Variants in TGDS observed in about 807,000 individuals in gnomAD.
TGDS encodes the protein UDP-D-glucose 4,6-dehydratase.
A neutral mutation model predicts 52.3 loss-of-function variants in TGDS; 47 were observed. The observed-to-expected ratio is 0.90, with a 90% CI of 0.71 to 1.15. TGDS has a LOEUF of 1.15. Ranked by LOEUF, TGDS falls within the 50% of genes most tolerant of loss-of-function variation. The probability of loss-of-function intolerance (pLI) is 0.00; values close to 1 mark genes in which losing one functional copy is unlikely to be tolerated. For synonymous variants in TGDS, 115 were observed against 136.9 expected (o/e 0.84, Z 1.12); for missense variants, 375 against 418.4 (o/e 0.90, Z 0.90).
rs1324368755 is a variant in TGDS at position 94,593,847 on chromosome 13, T to C, written c.147A>G (p.Leu49=). The change falls in exon 2 of 12, where the codon CTA becomes CTG. Residue 49 remains leucine (L), a synonymous_variant. Transcript: ENST00000261296. ...EDYPNYMIIN[L]DKLDYCASLK... is the part of the protein sequence containing the mutation. ...TCATTTTTATAAAACTCACCTTGTC[T>C]AGATTTATGATCATATAGTTTGGAT... is the stretch of plus-strand genomic sequence containing the variant. 7 of 1,569,476 alleles carry C rather than the reference T, an allele frequency of 4.5e-6. No homozygotes were observed. Among genetic ancestry groups the C allele is most frequent in the African/African-American group, 2.7e-5 (2 of 73,320 alleles).
chr13:94,585,816 A>AT (rs1208797833), intron 4 of TGDS, among the ~76,000 whole-genome samples: 3 of 151,804 alleles, frequency 2.0e-5, no homozygotes, highest in Non-Finnish European at 4.4e-5. Flanking sequence ...AAAAAAAAAA[A>AT]AATCCAGATA....
chr13:94,578,175 A>G lies in TGDS; in HGVS notation c.660-5T>C. The G allele has an allele frequency of 1.9e-6, 3 of 1,612,998 alleles. No individual in the cohort carries two copies. The highest frequency in any genetic ancestry group is 2.5e-6 in the Non-Finnish European group (3 of 1,179,566). On this transcript the variant is annotated splice_polypyrimidine_tract_variant and splice_region_variant and intron_variant, in intron 8 of 11. Coordinates refer to ENST00000261296, the MANE Select transcript of TGDS (RefSeq NM_014305.4). ...AGCCCTGACCCATGAATGCAACTAA[A>G]GAGATTAAACGAAGTGAAATCATAA...
chr13:94,577,784 ATAAT>A (rs1249711820), intron 9 of TGDS, among the ~76,000 whole-genome samples: 2 of 152,240 alleles, frequency 1.3e-5, no homozygotes, highest in Non-Finnish European at 2.9e-5. Context: ...ATGCAGAAAT[ATAAT>A]TAGGGAATGC....
intron 4 of TGDS, among the ~76,000 whole-genome samples, chr13:94,586,445 A>G (rs1404600948): frequency 6.6e-6 from 1 of 152,252 alleles, no homozygotes; most frequent in Non-Finnish European, 1.5e-5. Context: ...AAAAGGTTCA[A>G]TTCACCAGAA....
intron 5 of TGDS, among the ~76,000 whole-genome samples, chr13:94,582,420 A>C (rs971236634): frequency 5.3e-5 from 8 of 152,216 alleles, no homozygotes; most frequent in African/African-American, 1.9e-4. Context: ...TCTGTACCTA[A>C]AGAGAATTCT....
chr13:94,578,379 CT>C lies in TGDS; in HGVS notation c.660-210del, dbSNP rs1356565532. On this transcript the variant is annotated intron_variant, in intron 8 of 11. Coordinates refer to ENST00000261296, the MANE Select transcript of TGDS (RefSeq NM_014305.4). ...AGGGGACTCAGTAGGAAAGTGACCCCTGTGAAATGTGTATTCAATTTTATGT... is the reference window on the plus strand; with the variant it reads ...AGGGGACTCAGTAGGAAAGTGACCCCGTGAAATGTGTATTCAATTTTATGT... Among the ~76,000 whole-genome samples, 3 of 57,736 alleles carry C rather than the reference CT, an allele frequency of 5.2e-5. No homozygotes were observed. The Admixed American group carries it at 6.0e-4, about 12-fold the overall frequency. The allele number at this position is 57,736 out of a possible 152,430, so 37.9% of individuals were successfully genotyped here. A position where few individuals can be genotyped will look rare whatever the true frequency, so the allele number is the denominator to read the frequency against.
At chr13:94,579,984 A>T (rs1249582160) in intron 6 of TGDS, 31 bp from the exon 7 acceptor site, 1 of 1,380,592 alleles carries the variant, frequency 7.2e-7, no homozygotes, top group Non-Finnish European at 1.0e-6. Flanking sequence ...TAAGGCTTTT[A>T]AAAAGGTCTA....
chr13:94,574,666 A>G lies in TGDS; in HGVS notation c.*116T>C, dbSNP rs1199078134. The G allele has an allele frequency of 1.6e-6, 1 of 618,882 alleles. No homozygotes were observed. The highest frequency in any genetic ancestry group is 3.1e-5 in the Admixed American group (1 of 32,718). 38.3% of individuals were successfully genotyped at this position (618,882 alleles called of 1,614,324 possible). A position where few individuals can be genotyped will look rare whatever the true frequency, so the allele number is the denominator to read the frequency against. ...GCATTTGAATTTTATACAGAAAGTC[A>G]TGAATCTAATTCCAAAAGAAAAGAG... is the stretch of plus-strand genomic sequence containing the variant. On this transcript the variant is annotated 3_prime_UTR_variant, in exon 12 of 12. Coordinates refer to ENST00000261296, the MANE Select transcript of TGDS (RefSeq NM_014305.4).
chr13:94,577,322 G>C, intron 10 of TGDS, 49 bp downstream of exon 10: 1 of 1,387,608 alleles, frequency 7.2e-7, no homozygotes, highest in Non-Finnish European at 9.7e-7. Flanking sequence ...AATTTTATAA[G>C]TACCTAAGAT....
chr13:94,592,405 G>T, intron 2 of TGDS, 96 bp from the exon 3 acceptor site: 1 of 923,204 alleles, frequency 1.1e-6, no homozygotes. Flanking sequence ...GATGTTACTG[G>T]TTACAATACA....
chr13:94,574,656 A>T lies in TGDS; in HGVS notation c.*126T>A. On this transcript the variant is annotated 3_prime_UTR_variant, in exon 12 of 12. Coordinates refer to ENST00000261296, the MANE Select transcript of TGDS (RefSeq NM_014305.4). ...GAGGCATTCTGCATTTGAATTTTAT[A>T]CAGAAAGTCATGAATCTAATTCCAA... 1 of 594,310 alleles carries T rather than the reference A, an allele frequency of 1.7e-6. No individual in the cohort carries two copies. The highest frequency in any genetic ancestry group is 3.0e-6 in the Non-Finnish European group (1 of 334,062). 36.8% of individuals were successfully genotyped at this position (594,310 alleles called of 1,614,324 possible). A position where few individuals can be genotyped will look rare whatever the true frequency, so the allele number is the denominator to read the frequency against.
chr13:94,587,214 A>T (rs1264733352), intron 4 of TGDS, among the ~76,000 whole-genome samples: 6 of 152,232 alleles, frequency 3.9e-5, no homozygotes, highest in African/African-American at 1.4e-4. Flanking sequence ...CACAAAGATT[A>T]GAAAAAAGAA....
intron 4 of TGDS, among the ~76,000 whole-genome samples, chr13:94,589,912 T>C (rs746209756): frequency 1.7e-4 from 26 of 152,136 alleles, no homozygotes; most frequent in Non-Finnish European, 5.9e-5. Context: ...ATCTGTTATA[T>C]AGCCAAATGT....
Position 94,574,871 on chromosome 13 carries a change from A to G in TGDS, c.983-19T>C. ...CATTCAACTAATAGGAAAAAACAAA[A>G]GACAAAAAAAAAAAAGAAAAGAAAG... On this transcript the variant is annotated intron_variant, in intron 11 of 11. Coordinates refer to ENST00000261296, the MANE Select transcript of TGDS (RefSeq NM_014305.4). 1 of 1,429,622 alleles carries G rather than the reference A, an allele frequency of 7.0e-7. No individual in the cohort carries two copies. The highest frequency in any genetic ancestry group is 1.2e-5 in the South Asian group (1 of 80,968). The allele number at this position is 1,429,622 out of a possible 1,614,324, so 88.6% of individuals were successfully genotyped here.
chr13:94,586,522 C>A (rs1270287547), intron 4 of TGDS, among the ~76,000 whole-genome samples: 1 of 152,146 alleles, frequency 6.6e-6, no homozygotes, highest in Non-Finnish European at 1.5e-5. Context: ...GAACAATGGA[C>A]CCAATGTTTG....
chr13:94,591,569 G>T (rs889690626), intron 3 of TGDS, among the ~76,000 whole-genome samples: 6 of 152,128 alleles, frequency 3.9e-5, no homozygotes, highest in African/African-American at 1.4e-4. Flanking sequence ...CTCCAGCCTG[G>T]GTGACAGAGC....
intron 4 of TGDS, among the ~76,000 whole-genome samples, chr13:94,588,116 C>T (rs548375821): frequency 6.6e-5 from 10 of 150,680 alleles, no homozygotes; most frequent in East Asian, 5.9e-4. Context: ...CCATTGAAAA[C>T]GGGAAAAGGC....
chr13:94,586,275 G>A (rs772448294), intron 4 of TGDS, among the ~76,000 whole-genome samples: 6 of 152,112 alleles, frequency 3.9e-5, no homozygotes, highest in Non-Finnish European at 7.4e-5. Context: ...AAGACATGCA[G>A]CTAACCCATA....
intron 3 of TGDS, among the ~76,000 whole-genome samples, chr13:94,591,486 G>C (rs916151970): frequency 6.6e-6 from 1 of 152,106 alleles, no homozygotes; most frequent in African/African-American, 2.4e-5. Flanking sequence ...CCAGCTAGTC[G>C]GGAGGCTGAA....
Sources: allele counts gnomAD v4.1 joint callset (sites outside exome capture counted in the v4.1 genomes callset), GRCh38; gene constraint gnomAD v4.1.1; transcripts MANE v1.5; gene names NCBI Gene and HGNC (gene_info 2026-07-23, HGNC 2026-07-21).